The following PCDHA5 variants were observed in gnomAD, a reference collection of about 807,000 sequenced individuals.
PCDHA5 encodes the protein protocadherin alpha-5.
A neutral mutation model predicts 61.6 loss-of-function variants in PCDHA5; 43 were observed. The observed-to-expected ratio is 0.70, with a 90% CI of 0.55 to 0.90. The LOEUF is 0.90. Among genes scored for constraint, PCDHA5 ranks in the 40% least tolerant of loss-of-function variants. The probability of loss-of-function intolerance (pLI) is 0.00; values close to 1 mark genes in which losing one functional copy is unlikely to be tolerated. For synonymous variants in PCDHA5, 627 were observed against 543.9 expected, an observed-to-expected ratio of 1.15 and a Z score of -2.13; for missense variants, 1,298 against 1,222.7, an observed-to-expected ratio of 1.06 and a Z score of -0.92.
rs782803893 is a variant in PCDHA5, at chr5:140,927,898, C to G, written c.2353-51051C>G. 3.1e-6 allele frequency: 5 copies of G among 1,614,230 alleles called. No individual in the cohort carries two copies. In the South Asian group the frequency reaches 4.4e-5, roughly 14 times the overall value. On this transcript the variant is annotated intron_variant, in intron 1 of 3. Coordinates refer to ENST00000529859, the MANE Select transcript of PCDHA5 (RefSeq NM_018908.3). Reference sequence around the variant, plus strand: ...GGTGGAGGTGACTGACGTGAACGATCATGCCCCCGAACTGGACTTCCTGAC... The same window carrying G: ...GGTGGAGGTGACTGACGTGAACGATGATGCCCCCGAACTGGACTTCCTGAC...
Position 140,966,485 on chromosome 5 carries a change from C to G in PCDHA5, c.2353-12464C>G, listed in dbSNP as rs564574047. 5.5e-4 allele frequency: 237 copies of G among 432,246 alleles called. 1 individual carries two copies. The highest frequency in any genetic ancestry group is 4.6e-3 in the African/African-American group (223 of 48,858). 26.8% of individuals were successfully genotyped at this position (432,246 alleles called of 1,614,324 possible). A position where few individuals can be genotyped will look rare whatever the true frequency, so the allele number is the denominator to read the frequency against. Reference sequence around the variant, plus strand: ...TCTTCCCTTCTGTTTCCTTTTCCCTCCCCCTGGAGCTGTAGCGGCAGCAGC... The same window carrying G: ...TCTTCCCTTCTGTTTCCTTTTCCCTGCCCCTGGAGCTGTAGCGGCAGCAGC... On this transcript the variant is annotated intron_variant, in intron 1 of 3. Transcript: ENST00000529859.
At chr5:140,915,015 G>T (rs1469800021) in intron 1 of PCDHA5, among the ~76,000 whole-genome samples, 3 of 146,766 alleles carry the variant, frequency 2.0e-5, no homozygotes, top group Non-Finnish European at 4.5e-5. Flanking sequence ...GCCTGATCTT[G>T]GCTCACTGCA....
At chr5:140,973,328 C>T (rs1315251124) in intron 1 of PCDHA5, among the ~76,000 whole-genome samples, 1 of 152,114 alleles carries the variant, frequency 6.6e-6, no homozygotes, top group Non-Finnish European at 1.5e-5. Flanking sequence ...AGTTTACACT[C>T]GTTGTAAAGT....
In PCDHA5 at chr5:140,922,223, C is replaced by T. The variant is rs115262412; in HGVS notation, c.2353-56726C>T. 8.0e-3 allele frequency among the ~76,000 whole-genome samples: 1,216 copies of T among 152,128 alleles called. 6 individuals are homozygous for T. Among genetic ancestry groups the T allele is most frequent in the African/African-American group, 0.019 (784 of 41,508 alleles). ...ATGAAACTTTGTAAAACATTTGAAC[C>T]TCAACCATGATGTGTATGAAGATAA... On this transcript the variant is annotated intron_variant, in intron 1 of 3. Transcript: ENST00000529859.
Position 140,822,381 on chromosome 5 carries a change from A to G in PCDHA5, c.606A>G (p.Glu202=). 6.2e-7 allele frequency: 1 copy of G among 1,614,174 alleles called. No individual in the cohort carries two copies. Among genetic ancestry groups the G allele is most frequent in the Non-Finnish European group, 8.5e-7 (1 of 1,180,042 alleles). ...ELVLRKSLDR[E]ETQEHRLLVI... ...TTTTGAGGAAATCCTTAGATAGAGA[A>G]GAAACACAAGAACACCGTTTATTAG... is the stretch of plus-strand genomic sequence containing the variant. The change falls in exon 1 of 4, where the codon GAA becomes GAG. Residue 202 remains glutamate (E), a synonymous_variant. Coordinates refer to ENST00000529859, the MANE Select transcript of PCDHA5 (RefSeq NM_018908.3).
At chr5:140,878,451 T>A (rs2057595888) in intron 1 of PCDHA5, among the ~76,000 whole-genome samples, 1 of 152,250 alleles carries the variant, frequency 6.6e-6, no homozygotes, top group Non-Finnish European at 1.5e-5. Context: ...CTTATTTACA[T>A]GAAATATAAT....
chr5:140,915,374 G>A (rs1310466402), intron 1 of PCDHA5, among the ~76,000 whole-genome samples: 3 of 152,016 alleles, frequency 2.0e-5, no homozygotes, highest in Non-Finnish European at 4.4e-5. Flanking sequence ...TAAGTGTCTC[G>A]GCATTGAAGA....
chr5:140,872,623 T>C (rs960064096), intron 1 of PCDHA5, among the ~76,000 whole-genome samples: 3 of 152,152 alleles, frequency 2.0e-5, no homozygotes, highest in African/African-American at 4.8e-5. Flanking sequence ...TTGCCTGTTC[T>C]TGATTTTGTT....
intron 1 of PCDHA5, among the ~76,000 whole-genome samples, chr5:140,977,702 A>C (rs1420121979): frequency 1.3e-5 from 2 of 152,190 alleles, no homozygotes; most frequent in African/African-American, 4.8e-5. Context: ...AATCTGTCTG[A>C]ATATTGAGAT....
At chr5:140,883,217 G>A (rs868963567) in intron 1 of PCDHA5, 1 of 1,613,990 alleles carries the variant, frequency 6.2e-7, no homozygotes, top group Non-Finnish European at 8.5e-7. Context: ...GAAATTATAT[G>A]AAATATCCGT....
chr5:141,007,831 C>T (rs1347788424), intron 3 of PCDHA5, among the ~76,000 whole-genome samples: 2 of 152,296 alleles, frequency 1.3e-5, no homozygotes, highest in East Asian at 3.9e-4. Context: ...CAAGTAGCTA[C>T]CCATTAGAGA....
At chr5:140,841,793 T>C in intron 1 of PCDHA5, 1 of 1,613,848 alleles carries the variant, frequency 6.2e-7, no homozygotes, top group Non-Finnish European at 8.5e-7. Context: ...AGAGGGCGCG[T>C]CCGATGCAGA....
intron 1 of PCDHA5, chr5:140,927,588 A>G (rs914756357): frequency 1.9e-6 from 3 of 1,614,210 alleles, no homozygotes; most frequent in East Asian, 2.2e-5. Context: ...ACGCGCCTGT[A>G]TTTGAGCGCT....
At chr5:140,927,400 C>G (rs782428365) in intron 1 of PCDHA5, 11 of 1,614,126 alleles carry the variant, frequency 6.8e-6, no homozygotes, top group Non-Finnish European at 8.5e-6. Flanking sequence ...TCAGCACTTT[C>G]GCCTGGACAT....
intron 1 of PCDHA5, chr5:140,969,289 G>C: frequency 6.2e-7 from 1 of 1,614,208 alleles, no homozygotes; most frequent in Non-Finnish European, 8.5e-7. Context: ...AGAATGCTGG[G>C]AACCTGATTA....
intron 1 of PCDHA5, among the ~76,000 whole-genome samples, chr5:140,891,210 G>A (rs2062986388): frequency 1.3e-5 from 2 of 152,180 alleles, no homozygotes; most frequent in South Asian, 4.1e-4. Context: ...TTACCATGCT[G>A]TGTCTTTATA....
chr5:140,836,498 C>T lies in PCDHA5; in HGVS notation c.2352+12371C>T. Reference sequence around the variant, plus strand: ...ACGTGTACCTGATCATCGCCATCTGCGCGGTGTCCAGTCTGTTGGTGCTTA... The same window carrying T: ...ACGTGTACCTGATCATCGCCATCTGTGCGGTGTCCAGTCTGTTGGTGCTTA... On this transcript the variant is annotated intron_variant, in intron 1 of 3. Transcript: ENST00000529859. The T allele has an allele frequency of 1.9e-6, 3 of 1,613,896 alleles. No homozygotes were observed. In the South Asian group the frequency reaches 3.3e-5, roughly 18 times the overall value.
chr5:140,939,283 GATCTAATC>G lies in PCDHA5; in HGVS notation c.2353-39661_2353-39654del, dbSNP rs1257109202. ...TCTTTTATGAGAGCTGTGCCCTCGT[GATCTAATC>G]ATCTCTACAAAAGCCCTACCTCCTA... On this transcript the variant is annotated intron_variant, in intron 1 of 3. Coordinates refer to ENST00000529859, the MANE Select transcript of PCDHA5 (RefSeq NM_018908.3). Among the ~76,000 whole-genome samples the G allele has an allele frequency of 2.0e-5, 3 of 152,184 alleles. No homozygotes were observed. In the East Asian group the frequency reaches 5.8e-4, roughly 29 times the overall value.
intron 1 of PCDHA5, chr5:140,830,578 T>C: frequency 1.2e-6 from 1 of 823,976 alleles, no homozygotes; most frequent in Non-Finnish European, 1.7e-6. Flanking sequence ...TTTTTAATTT[T>C]TAATTAATTT....
Sources: gnomAD v4.1 joint callset for allele counts (sites outside exome capture counted in the v4.1 genomes callset) on GRCh38, gnomAD v4.1.1 for gene constraint, MANE v1.5 for transcripts, NCBI Gene and HGNC (gene_info 2026-07-23, HGNC 2026-07-21) for gene names.